LIMS1: variants seen among roughly 807,000 people sequenced by gnomAD.
The protein encoded by LIMS1 is LIM and senescent cell antigen-like-containing domain protein 1.
In LIMS1, 18 loss-of-function variants were observed where a neutral mutation model predicts 44.1. That is an observed-to-expected ratio of 0.41 (90% CI 0.28 to 0.61). The LOEUF (loss-of-function observed/expected upper bound fraction) is 0.61, where lower values mean the gene tolerates loss of function less well. Ranked by LOEUF, LIMS1 falls within the 20% of genes least tolerant of loss-of-function variation. The pLI, the probability that LIMS1 is intolerant of heterozygous loss-of-function variation, is 0.32. For synonymous variants in LIMS1, 93 were observed against 149.1 expected, an observed-to-expected ratio of 0.62 and a Z score of 2.74; for missense variants, 201 against 422.0, an observed-to-expected ratio of 0.48 and a Z score of 4.59.
chr2:108,640,789 A>T (rs377050150), intron 1 of LIMS1, among the ~76,000 whole-genome samples: 4 of 152,366 alleles, frequency 2.6e-5, no homozygotes, highest in South Asian at 4.1e-4. Context: ...CCTTGAGTTT[A>T]GAACTTTCAC....
chr2:108,637,099 ATGTGTGTGTGTGTGTGTGTGTGTGTG>A (rs74315160), intron 1 of LIMS1, among the ~76,000 whole-genome samples: 1 of 98,528 alleles, frequency 1.0e-5, no homozygotes, highest in Non-Finnish European at 2.2e-5. Flanking sequence ...ATATACATAT[ATGTGTGTGTGTGTGTGTGTGTGTGTG>A]TGTGTGTGTG....
intron 1 of LIMS1, among the ~76,000 whole-genome samples, chr2:108,587,290 TTGTGTGTGTGTGTGTGTG>T (rs58815332): frequency 0.016 from 1,724 of 106,084 alleles, 47 homozygotes; most frequent in African/African-American, 0.049. Flanking sequence ...TTCTTGGGGT[TTGTGTGTGTGTGTGTGTG>T]TGTGTGTGTG....
intron 2 of LIMS1, among the ~76,000 whole-genome samples, chr2:108,666,789 G>GAAAA (rs769064603): frequency 1.4e-5 from 2 of 138,774 alleles, no homozygotes; most frequent in African/African-American, 2.6e-5. Flanking sequence ...GACCGTTTCT[G>GAAAA]AAAAAAAAAA....
At chr2:108,571,424 A>G (rs926685024) in intron 1 of LIMS1, among the ~76,000 whole-genome samples, 2 of 152,178 alleles carry the variant, frequency 1.3e-5, no homozygotes, top group Non-Finnish European at 2.9e-5. Context: ...GTGATCGTGG[A>G]TGTTTTGAGC....
chr2:108,660,755 A>G (rs146208576), intron 2 of LIMS1: 5 of 183,484 alleles, frequency 2.7e-5, no homozygotes, highest in Middle Eastern at 5.0e-4. Flanking sequence ...GTAAACATGT[A>G]TTTTGGGGGA....
At chr2:108,552,701 C>T (rs917591494) in intron 1 of LIMS1, among the ~76,000 whole-genome samples, 1 of 151,428 alleles carries the variant, frequency 6.6e-6, no homozygotes, top group African/African-American at 2.4e-5. Flanking sequence ...GCAATCCTCC[C>T]AAGTAGCTGG....
intron 1 of LIMS1, among the ~76,000 whole-genome samples, chr2:108,650,945 A>G (rs929645854): frequency 2.0e-4 from 30 of 152,244 alleles, no homozygotes; most frequent in African/African-American, 5.3e-4. Context: ...CATTGGGCCT[A>G]TTGCATCATG....
chr2:108,569,764 C>CTTTTTTTT lies in LIMS1; in HGVS notation c.32+35182_32+35189dup, dbSNP rs10596766. Reference sequence around the variant, plus strand: ...TACAAACACTCACCGCCATATCTGGCTTTTTTTTTTTTTTTTTTTAGTGAT... The same window carrying CTTTTTTTT: ...TACAAACACTCACCGCCATATCTGGCTTTTTTTTTTTTTTTTTTTTTTTTTTTAGTGAT... On this transcript the variant is annotated intron_variant, in intron 1 of 9. Transcript: ENST00000544547. Among the ~76,000 whole-genome samples, 31 of 113,122 alleles carry CTTTTTTTT rather than the reference C, an allele frequency of 2.7e-4. 2 individuals carry two copies. Among genetic ancestry groups the CTTTTTTTT allele is most frequent in the South Asian group, 6.5e-4 (2 of 3,062 alleles). The allele number at this position is 113,122 out of a possible 152,430, so 74.2% of individuals were successfully genotyped here. A position where few individuals can be genotyped will look rare whatever the true frequency, so the allele number is the denominator to read the frequency against.
At chr2:108,569,763 G>GTTTTTTTTTTTTTTTTTTTTT (rs1558791346) in intron 1 of LIMS1, among the ~76,000 whole-genome samples, 1 of 68,330 alleles carries the variant, frequency 1.5e-5, no homozygotes, top group African/African-American at 4.2e-5. Context: ...GCCATATCTG[G>GTTTTTTTTTTTTTTTTTTTTT]CTTTTTTTTT....
intron 1 of LIMS1, among the ~76,000 whole-genome samples, chr2:108,617,148 G>A (rs1687973130): frequency 6.6e-6 from 1 of 152,188 alleles, no homozygotes; most frequent in Admixed American, 6.5e-5. Flanking sequence ...AAACCAGCTT[G>A]CAGCTTTCTT....
exon 10 of LIMS1, chr2:108,684,642 C>T (rs889716195): frequency 3.5e-5 from 5 of 141,416 alleles, no homozygotes; most frequent in Admixed American, 2.3e-4. Context: ...TTACTTAACG[C>T]AGTAGTAATA....
chr2:108,672,974 C>T (rs201487836), exon 5 of LIMS1: 2 of 1,234,416 alleles, frequency 1.6e-6, no homozygotes, highest in Non-Finnish European at 2.3e-6. Flanking sequence ...TGAGCAGCCT[C>T]TGATATTCAA....
At chr2:108,635,947 C>T (rs1481152145) in intron 1 of LIMS1, among the ~76,000 whole-genome samples, 1 of 152,168 alleles carries the variant, frequency 6.6e-6, no homozygotes, top group East Asian at 1.9e-4. Context: ...ACATAGGCTG[C>T]CTCTGTCGGC....
At chr2:108,627,749 G>A (rs930351796) in intron 1 of LIMS1, among the ~76,000 whole-genome samples, 4 of 152,160 alleles carry the variant, frequency 2.6e-5, no homozygotes, top group African/African-American at 9.7e-5. Context: ...CTGATTATAT[G>A]TCTGTGCTAC....
chr2:108,672,000 C>T (rs1692193517), intron 3 of LIMS1, among the ~76,000 whole-genome samples: 1 of 152,040 alleles, frequency 6.6e-6, no homozygotes, highest in African/African-American at 2.4e-5. Flanking sequence ...GAAACCCCGT[C>T]TCTACTGAAA....
intron 1 of LIMS1, among the ~76,000 whole-genome samples, chr2:108,576,345 C>T (rs986022652): frequency 1.3e-5 from 2 of 151,922 alleles, no homozygotes; most frequent in Non-Finnish European, 2.9e-5. Flanking sequence ...TCAAGCAATC[C>T]TCCTGCCTCA....
At chr2:108,665,888 T>C (rs1169963982) in intron 2 of LIMS1, among the ~76,000 whole-genome samples, 1 of 152,218 alleles carries the variant, frequency 6.6e-6, no homozygotes, top group African/African-American at 2.4e-5. Context: ...AATTTATCCA[T>C]TTTAAGGGAA....
chr2:108,587,856 T>G (rs1255619743), intron 1 of LIMS1, among the ~76,000 whole-genome samples: 1 of 152,188 alleles, frequency 6.6e-6, no homozygotes, highest in Non-Finnish European at 1.5e-5. Flanking sequence ...AAAGAATAAT[T>G]TCCGCTGCTG....
At chr2:108,656,605 G>C (rs1186979029) in intron 1 of LIMS1, among the ~76,000 whole-genome samples, 9 of 151,182 alleles carry the variant, frequency 6.0e-5, no homozygotes, top group Admixed American at 1.3e-4. Context: ...GCAGCAAGGT[G>C]ATTGTTCTGT....
Sources: gnomAD v4.1 joint callset for allele counts (sites outside exome capture counted in the v4.1 genomes callset) on GRCh38, gnomAD v4.1.1 for gene constraint, MANE v1.5 for transcripts, NCBI Gene and HGNC (gene_info 2026-07-23, HGNC 2026-07-21) for gene names.